MED13: variants seen among roughly 807,000 people sequenced by gnomAD.
MED13 encodes the protein mediator complex subunit 13.
MED13 carries 23 observed loss-of-function variants against 225.2 expected under a neutral mutation model. That is an observed-to-expected ratio of 0.10 (90% confidence interval 0.07 to 0.14). The LOEUF (loss-of-function observed/expected upper bound fraction) is 0.14. Among genes scored for constraint, MED13 ranks in the 10% least tolerant of loss-of-function variants. The probability of loss-of-function intolerance (pLI) is 1.00; values close to 1 mark genes in which losing one functional copy is unlikely to be tolerated. For missense variants in MED13, 2,197 were observed against 2,594.5 expected (o/e 0.85, Z 3.33); for synonymous variants, 942 against 889.2 (o/e 1.06, Z -1.06).
intron 9 of MED13, among the ~76,000 whole-genome samples, chr17:61,998,925 CTTTTTTTT>C (rs10617153): frequency 3.9e-5 from 4 of 103,862 alleles, no homozygotes; most frequent in Admixed American, 1.1e-4. Context: ...TTAAATGGTA[CTTTTTTTT>C]TTTTTTTTTT....
At position 61,942,643 on chromosome 17, in the gene MED13, G is replaced by A. The variant is rs1603388391; in HGVS notation, c.*3825C>T. On this transcript the variant is annotated 3_prime_UTR_variant, in exon 30 of 30. Transcript: ENST00000397786. ...AATAATTTATTCCATTTGAAGTTTT[G>A]TTTTTTGTTTTTGTTTTTTTTTTTT... 1 of 148,134 alleles carries A rather than the reference G, an allele frequency of 6.8e-6. No homozygotes were observed. The highest frequency in any genetic ancestry group is 1.5e-5 in the Non-Finnish European group (1 of 66,678). The allele number at this position is 148,134 out of a possible 1,614,324, so 9.2% of individuals were successfully genotyped here.
chr17:62,021,600 C>T (rs548230512), intron 8 of MED13, among the ~76,000 whole-genome samples: 138 of 152,300 alleles, frequency 9.1e-4, no homozygotes, highest in African/African-American at 3.1e-3. Context: ...AGTAAATGTG[C>T]GCTATTCAAT....
chr17:62,062,825 GAAATT>G (rs987816409), intron 2 of MED13, among the ~76,000 whole-genome samples: 1 of 152,108 alleles, frequency 6.6e-6, no homozygotes, highest in African/African-American at 2.4e-5. Flanking sequence ...CTACCTGTGA[GAAATT>G]AAGAAGAGAG....
intron 8 of MED13, chr17:62,029,332 C>T: frequency 1.9e-6 from 1 of 537,396 alleles, no homozygotes. Context: ...CAGAGTCTGC[C>T]TCTGGTAACA....
chr17:61,961,694 G>C lies in MED13; in HGVS notation c.5150C>G (p.Ser1717Trp). Reference sequence around the variant, plus strand: ...TGGCCTCCGACACTGGGTAAAGGCCGAAAAAGCCAGGGATTTTAAATGCTG... The same window carrying C: ...TGGCCTCCGACACTGGGTAAAGGCCCAAAAAGCCAGGGATTTTAAATGCTG... ...YPQHLKSLAF[S>W]AFTQCRRPLP... The change falls in exon 22 of 30, where the codon TCG becomes TGG. Residue 1717 changes from serine to tryptophan, a missense_variant. Ser to Trp is a radical substitution (Grantham distance 177, BLOSUM62 -3). Around this residue, in one of 12 missense-constraint regions of MED13, gnomAD observed 457 missense variants for 442.2 expected, o/e 1.03. Transcript: ENST00000397786. 6.2e-7 allele frequency: 1 copy of C among 1,613,916 alleles called. No individual in the cohort carries two copies. The highest frequency in any genetic ancestry group is 8.5e-7 in the Non-Finnish European group (1 of 1,179,954).
At chr17:61,974,597 CAATAGA>C (rs1189131070) in intron 16 of MED13, among the ~76,000 whole-genome samples, 3 of 151,770 alleles carry the variant, frequency 2.0e-5, no homozygotes, top group African/African-American at 4.8e-5. Flanking sequence ...GATAATCAAT[CAATAGA>C]AATAAACTGA....
chr17:62,035,574 G>T lies in MED13; in HGVS notation c.505C>A (p.His169Asn). Residue 169 changes from histidine to asparagine, a missense_variant, in exon 4 of 30, where the codon CAT becomes AAT. This residue lies in a region of MED13 where 884 missense variants were observed against 918.5 expected (regional missense o/e 0.96). Transcript: ENST00000397786. ...HLSCSFTFFL[H>N]GDSNVCTSVE... ...CTGGTACAAACATTGCTGTCTCCAT[G>T]CAAGAAAAAGGTGAAGGAGCAGGAC... 6.2e-7 allele frequency: 1 copy of T among 1,613,618 alleles called. No individual in the cohort carries two copies. The highest frequency in any genetic ancestry group is 8.5e-7 in the Non-Finnish European group (1 of 1,179,822).
chr17:62,010,660 C>T lies in MED13; in HGVS notation c.1857G>A (p.Lys619=). 1 of 1,502,648 alleles carries T rather than the reference C, an allele frequency of 6.7e-7. No individual in the cohort carries two copies. The highest frequency in any genetic ancestry group is 1.8e-4 in the Middle Eastern group (1 of 5,560). 93.1% of individuals were successfully genotyped at this position (1,502,648 alleles called of 1,614,324 possible). A position where few individuals can be genotyped will look rare whatever the true frequency, so the allele number is the denominator to read the frequency against. Residue 619 remains lysine (K), a synonymous_variant, in exon 9 of 30, where the codon AAG becomes AAA. Coordinates refer to ENST00000397786, the MANE Select transcript of MED13 (RefSeq NM_005121.3). ...DEANIAWKYY[K]FPKKKDVEFL... ...ACTCTACATCTTTTTTCTTTGGGAA[C>T]TTGTAATACTTCCAGGCTATATTGG...
chr17:62,063,526 C>CAAAT (rs764747448), intron 1 of MED13, among the ~76,000 whole-genome samples: 2 of 152,056 alleles, frequency 1.3e-5, no homozygotes, highest in Non-Finnish European at 2.9e-5. Context: ...GAATAGCAAG[C>CAAAT]AAATATGTAC....
rs931824064 is a variant in MED13 at position 61,972,964 on chromosome 17, AAC to A, written c.3806-78_3806-77del. 9.1e-5 allele frequency: 116 copies of A among 1,273,906 alleles called. No homozygotes were observed. In the African/African-American group the frequency reaches 1.5e-3, roughly 17 times the overall value. The allele number at this position is 1,273,906 out of a possible 1,614,324, so 78.9% of individuals were successfully genotyped here. On this transcript the variant is annotated intron_variant, in intron 16 of 29. Coordinates refer to ENST00000397786, the MANE Select transcript of MED13 (RefSeq NM_005121.3). The stretch of plus-strand genomic sequence containing the variant: ...CAAATAAAATTTTAAGATAATACAA[AAC>A]ACATATAGGGAAGTTCAGGTCTTCA...
intron 6 of MED13, chr17:62,030,506 G>A (rs2080745278): frequency 3.9e-5 from 6 of 152,508 alleles, no homozygotes; most frequent in Admixed American, 3.9e-4. Context: ...AGGCCAGGAT[G>A]AGCCCCTGCA....
intron 3 of MED13, among the ~76,000 whole-genome samples, chr17:62,037,786 T>C (rs1465332745): frequency 6.6e-6 from 1 of 150,928 alleles, no homozygotes; most frequent in Non-Finnish European, 1.5e-5. Context: ...GAAATTCTGT[T>C]TCTACTAAAA....
In MED13 at chr17:62,037,955, C is replaced by CA. The variant is rs397857634; in HGVS notation, c.471-2348dup. Among the ~76,000 whole-genome samples, 176 of 64,742 alleles carry CA rather than the reference C, an allele frequency of 2.7e-3. 25 individuals are homozygous for CA. Among genetic ancestry groups the CA allele is most frequent in the East Asian group, 0.011 (23 of 2,064 alleles). 42.5% of individuals were successfully genotyped at this position (64,742 alleles called of 152,430 possible). A position where few individuals can be genotyped will look rare whatever the true frequency, so the allele number is the denominator to read the frequency against. On this transcript the variant is annotated intron_variant, in intron 3 of 29. Transcript: ENST00000397786. Reference sequence around the variant, plus strand: ...TGGGCAACAGAGTGAGACTTCATCTCAAAAAAAAAAAAAAAAAAAAAAAAA... The same window carrying CA: ...TGGGCAACAGAGTGAGACTTCATCTCAAAAAAAAAAAAAAAAAAAAAAAAAA...
chr17:62,032,555 A>G (rs781028822), intron 5 of MED13: 11 of 152,098 alleles, frequency 7.2e-5, no homozygotes, highest in Non-Finnish European at 1.2e-4. Context: ...CTTAAATACA[A>G]TATGGTAGAT....
At chr17:62,008,483 C>T (rs189971110) in intron 9 of MED13, among the ~76,000 whole-genome samples, 9 of 151,758 alleles carry the variant, frequency 5.9e-5, no homozygotes, top group African/African-American at 2.2e-4. Flanking sequence ...TTTAAATGAG[C>T]AAGAATGAAA....
At chr17:61,993,906 G>A (rs773314165) in intron 10 of MED13, among the ~76,000 whole-genome samples, 1 of 151,268 alleles carries the variant, frequency 6.6e-6, no homozygotes, top group African/African-American at 2.4e-5. Flanking sequence ...ACTCCAGCCT[G>A]GGCAACAAGA....
chr17:62,038,442 AATT>A (rs1338362141), intron 3 of MED13, among the ~76,000 whole-genome samples: 1 of 152,138 alleles, frequency 6.6e-6, no homozygotes, highest in Non-Finnish European at 1.5e-5. Flanking sequence ...TAATTTTAAA[AATT>A]ATTTTAAAAA....
rs531506144 is a variant in MED13, at chr17:61,982,315, T to C, written c.3688A>G (p.Asn1230Asp). 6.2e-7 allele frequency: 1 copy of C among 1,614,228 alleles called. No individual in the cohort carries two copies. The highest frequency in any genetic ancestry group is 1.3e-5 in the African/African-American group (1 of 75,064). The part of the protein sequence containing the change: ...WVRVEERDCC[N>D]DCYLALEHGR... ...TGTTCTAATGCAAGGTAGCAGTCATTGCAACAGTCACGCTCTTCAACACGT... is the reference window on the plus strand; with the variant it reads ...TGTTCTAATGCAAGGTAGCAGTCATCGCAACAGTCACGCTCTTCAACACGT... Residue 1230 changes from asparagine (N) to aspartate (D), a missense_variant, in exon 16 of 30, where the codon AAT becomes GAT. Asn to Asp is a conservative substitution (Grantham distance 23). Transcript: ENST00000397786.
At chr17:62,057,964 T>C (rs1016783821) in intron 2 of MED13, among the ~76,000 whole-genome samples, 2 of 152,266 alleles carry the variant, frequency 1.3e-5, no homozygotes, top group East Asian at 1.9e-4. Flanking sequence ...TAAAAGCCAA[T>C]GATGACAGCA....
Sources: gnomAD v4.1 joint callset for allele counts (sites outside exome capture counted in the v4.1 genomes callset) on GRCh38, gnomAD v4.1.1 for gene constraint, gnomAD v4.1.1 regional missense constraint, MANE v1.5 for transcripts, NCBI Gene and HGNC (gene_info 2026-07-23, HGNC 2026-07-21) for gene names.